The following APTX variants were observed in gnomAD, a reference collection of about 807,000 sequenced individuals.
APTX encodes the protein aprataxin, also known as forkhead-associated domain histidine triad-like protein.
In APTX, 33 loss-of-function variants were observed where a neutral mutation model predicts 42.3. The ratio of observed to expected loss-of-function variants is 0.78; its 90% CI spans 0.59 to 1.04. APTX has a LOEUF of 1.04. APTX is among the 50% of genes least tolerant of loss of function. The pLI, the probability that APTX is intolerant of heterozygous loss-of-function variation, is 0.00. For missense variants in APTX, 421 were observed against 415.1 expected (o/e 1.01, Z -0.12); for synonymous variants, 130 against 146.7 (o/e 0.89, Z 0.82).
chr9:32,994,393 AACTC>A (rs1234839240), intron 1 of APTX, among the ~76,000 whole-genome samples: 1 of 152,102 alleles, frequency 6.6e-6, no homozygotes, highest in Non-Finnish European at 1.5e-5. Context: ...ATCATACTGT[AACTC>A]CACAGTGCTT....
At chr9:33,024,463 G>A (rs540858457) in intron 1 of APTX, among the ~76,000 whole-genome samples, 13 of 152,308 alleles carry the variant, frequency 8.5e-5, no homozygotes, top group South Asian at 2.1e-4. Flanking sequence ...CTGACCCGTA[G>A]GATTTAAAAG....
At chr9:32,986,094 C>G in intron 4 of APTX, 64 bp from the exon 5 acceptor site, 1 of 1,459,122 alleles carries the variant, frequency 6.9e-7, no homozygotes, top group Non-Finnish European at 9.5e-7. Flanking sequence ...TTACAAATGC[C>G]AATAATTAAA....
chr9:32,989,074 C>T (rs942473541), intron 2 of APTX, among the ~76,000 whole-genome samples: 1 of 152,152 alleles, frequency 6.6e-6, no homozygotes, highest in South Asian at 2.1e-4. Context: ...AGGAAGGGAA[C>T]AGAGAGAGAA....
At chr9:33,018,429 G>T (rs1462751242) in intron 1 of APTX, among the ~76,000 whole-genome samples, 1 of 150,864 alleles carries the variant, frequency 6.6e-6, no homozygotes, top group Admixed American at 6.6e-5. Flanking sequence ...TTAGCCAGAC[G>T]TGGTGGCAGG....
At chr9:33,023,841 C>T (rs2119346434) in intron 1 of APTX, among the ~76,000 whole-genome samples, 1 of 152,246 alleles carries the variant, frequency 6.6e-6, no homozygotes, top group East Asian at 1.9e-4. Flanking sequence ...TATATACCAA[C>T]AGACAAAGGC....
intron 1 of APTX, among the ~76,000 whole-genome samples, chr9:33,013,737 G>A (rs1837703905): frequency 1.3e-5 from 2 of 152,198 alleles, no homozygotes; most frequent in South Asian, 4.1e-4. Context: ...CCGGGAGGCG[G>A]AGCTTGCAGT....
chr9:33,022,866 G>C (rs1248127102), intron 1 of APTX, among the ~76,000 whole-genome samples: 3 of 152,150 alleles, frequency 2.0e-5, no homozygotes, highest in African/African-American at 7.2e-5. Context: ...TTTTTAGACA[G>C]GGTATTGCTC....
At chr9:32,995,283 T>C (rs986937983) in intron 1 of APTX, among the ~76,000 whole-genome samples, 8 of 152,204 alleles carry the variant, frequency 5.3e-5, no homozygotes, top group Non-Finnish European at 8.8e-5. Context: ...CCATTCTAGA[T>C]GCCCTTAAGA....
rs10971329 is a variant in APTX, at chr9:33,017,940, C to T, written c.-5+7083G>A. 6.7e-4 allele frequency among the ~76,000 whole-genome samples: 96 copies of T among 143,784 alleles called. 4 individuals carry two copies. In the East Asian group the frequency reaches 0.015, roughly 23 times the overall value. The allele number at this position is 143,784 out of a possible 152,430, so 94.3% of individuals were successfully genotyped here. A position where few individuals can be genotyped will look rare whatever the true frequency, so the allele number is the denominator to read the frequency against. ...CCTAGCAACCAGCGCCCCCCCCCCC[C>T]TCCCATTTTCGGGCTCTCCAAAAGT... On this transcript the variant is annotated intron_variant, in intron 1 of 6. Coordinates refer to the APTX transcript ENST00000436040.
intron 1 of APTX, among the ~76,000 whole-genome samples, chr9:33,023,511 C>T (rs766514771): frequency 5.3e-5 from 8 of 152,242 alleles, no homozygotes; most frequent in Non-Finnish European, 8.8e-5. Flanking sequence ...GTGTGAGGCA[C>T]GGCGCCCGGC....
intron 4 of APTX, among the ~76,000 whole-genome samples, chr9:32,986,536 CTT>C (rs1832198845): frequency 1.3e-5 from 2 of 149,294 alleles, no homozygotes. Flanking sequence ...GGGTTTCGCT[CTT>C]GTTGCCCAGG....
intron 5 of APTX, among the ~76,000 whole-genome samples, 168 bp downstream of exon 5, chr9:32,985,803 G>A (rs1006272487): frequency 1.3e-5 from 2 of 152,138 alleles, no homozygotes; most frequent in Non-Finnish European, 2.9e-5. Context: ...AATGACAGCT[G>A]CTACTTTATT....
At chr9:33,022,463 A>G (rs1018101680) in intron 1 of APTX, among the ~76,000 whole-genome samples, 4 of 152,256 alleles carry the variant, frequency 2.6e-5, no homozygotes, top group African/African-American at 9.6e-5. Flanking sequence ...CAGTATGGAA[A>G]CTTATTTATT....
intron 1 of APTX, among the ~76,000 whole-genome samples, chr9:33,008,205 T>A (rs577135063): frequency 2.0e-5 from 3 of 151,544 alleles, no homozygotes; most frequent in East Asian, 3.9e-4. Context: ...GTGAAAAAAA[T>A]TTCCTTATTT....
chr9:33,007,065 A>T (rs2119201932), intron 1 of APTX, among the ~76,000 whole-genome samples: 1 of 151,764 alleles, frequency 6.6e-6, no homozygotes, highest in African/African-American at 2.4e-5. Context: ...GGAAAGGACA[A>T]TTAGACTGAG....
At chr9:32,997,453 G>A (rs1489686957) in intron 1 of APTX, 2 of 152,360 alleles carry the variant, frequency 1.3e-5, no homozygotes, top group East Asian at 1.9e-4. Context: ...GTACCCAACC[G>A]AGATTGGGAG....
chr9:32,989,695 T>C, intron 2 of APTX, 64 bp downstream of exon 2: 3 of 1,611,174 alleles, frequency 1.9e-6, no homozygotes, highest in Admixed American at 3.3e-5. Flanking sequence ...CCAGAAAATA[T>C]GCATCTTTGG....
chr9:32,973,162 T>C lies in APTX; in HGVS notation c.*336A>G. On this transcript the variant is annotated 3_prime_UTR_variant, in exon 8 of 8. Coordinates refer to ENST00000379817, the MANE Select transcript of APTX (RefSeq NM_001195248.2). ...AGGATAAATCTAAGAAACAGAAATG[T>C]ATAACCAGCCCAATGCTTCCATACT... 1 of 479,804 alleles carries C rather than the reference T, an allele frequency of 2.1e-6. No individual in the cohort carries two copies. The highest frequency in any genetic ancestry group is 4.1e-6 in the Non-Finnish European group (1 of 244,190). 29.7% of individuals were successfully genotyped at this position (479,804 alleles called of 1,614,324 possible). A position where few individuals can be genotyped will look rare whatever the true frequency, so the allele number is the denominator to read the frequency against.
At position 32,986,080 on chromosome 9, in the gene APTX, TA is replaced by T. The variant is rs763684996; in HGVS notation, c.484-51del. On this transcript the variant is annotated intron_variant, in intron 4 of 7. Transcript: ENST00000379817. ...CAAAAAAAAAAAAAAACAAGCAATG[TA>T]AATTACAAATGCCAATAATTAAATT... The T allele has an allele frequency of 4.4e-5, 65 of 1,477,952 alleles. No individual in the cohort carries two copies. In the African/African-American group the frequency reaches 8.2e-4, roughly 19 times the overall value. 91.6% of individuals were successfully genotyped at this position (1,477,952 alleles called of 1,614,324 possible). A position where few individuals can be genotyped will look rare whatever the true frequency, so the allele number is the denominator to read the frequency against.
Sources: allele counts gnomAD v4.1 joint callset (sites outside exome capture counted in the v4.1 genomes callset), GRCh38; gene constraint gnomAD v4.1.1; transcripts MANE v1.5; gene names NCBI Gene and HGNC (gene_info 2026-07-23, HGNC 2026-07-21).